The following SUGT1 variants were observed in gnomAD, a reference collection of about 807,000 sequenced individuals.
SUGT1 encodes protein SGT1 homolog.
A neutral mutation model predicts 56.1 loss-of-function variants in SUGT1; 15 were observed. That is an observed-to-expected ratio of 0.27 (90% confidence interval 0.18 to 0.41). The LOEUF (loss-of-function observed/expected upper bound fraction) is 0.41, where lower values mean the gene tolerates loss of function less well. Among genes scored for constraint, SUGT1 ranks in the 10% least tolerant of loss-of-function variants. SUGT1 has a pLI of 1.00. For missense variants in SUGT1, 347 were observed against 382.2 expected (o/e 0.91, Z 0.77); for synonymous variants, 123 against 128.6 (o/e 0.96, Z 0.30).
At chr13:52,672,877 G>A (rs1225309563) in intron 10 of SUGT1, among the ~76,000 whole-genome samples, 1 of 152,228 alleles carries the variant, frequency 6.6e-6, no homozygotes, top group Non-Finnish European at 1.5e-5. Flanking sequence ...GACTTCAGAA[G>A]TGGATGGTAG....
At chr13:52,660,448 G>A (rs9568747) in intron 5 of SUGT1, among the ~76,000 whole-genome samples, 121,981 of 152,144 alleles carry the variant, frequency 0.8, 49,675 homozygotes, top group East Asian at 0.99. Flanking sequence ...AGAAGTATAT[G>A]GTCCAAAATG....
At chr13:52,681,128 T>C (rs959964667) in intron 12 of SUGT1, among the ~76,000 whole-genome samples, 2 of 151,966 alleles carry the variant, frequency 1.3e-5, no homozygotes, top group Admixed American at 6.6e-5. Context: ...GTGAGGCACC[T>C]CAACCAGCCT....
chr13:52,679,399 A>G (rs1403813273), intron 11 of SUGT1, among the ~76,000 whole-genome samples: 1 of 152,184 alleles, frequency 6.6e-6, no homozygotes, highest in Non-Finnish European at 1.5e-5. Flanking sequence ...ACATTTAGAA[A>G]TTACTTACTG....
chr13:52,686,200 T>G (rs561101192), intron 12 of SUGT1, among the ~76,000 whole-genome samples: 1 of 152,170 alleles, frequency 6.6e-6, no homozygotes, highest in African/African-American at 2.4e-5. Flanking sequence ...AATGCTGGAA[T>G]TACAGGTGTG....
chr13:52,654,115 C>T (rs1348878358), intron 2 of SUGT1, among the ~76,000 whole-genome samples: 1 of 152,164 alleles, frequency 6.6e-6, no homozygotes, highest in Non-Finnish European at 1.5e-5. Context: ...TTAGAGGGCC[C>T]ATTTGATTAA....
At chr13:52,683,771 A>G (rs1331318947) in intron 12 of SUGT1, among the ~76,000 whole-genome samples, 1 of 152,206 alleles carries the variant, frequency 6.6e-6, no homozygotes, top group African/African-American at 2.4e-5. Context: ...AAAAGTTTTT[A>G]TAGGACTGTT....
At chr13:52,676,010 A>G (rs143908996) in intron 10 of SUGT1, among the ~76,000 whole-genome samples, 1 of 152,210 alleles carries the variant, frequency 6.6e-6, no homozygotes, top group Non-Finnish European at 1.5e-5. Context: ...CTTCTTGATT[A>G]TAGCTTATAT....
chr13:52,667,467 C>T (rs1370887683), intron 10 of SUGT1, among the ~76,000 whole-genome samples: 2 of 152,100 alleles, frequency 1.3e-5, no homozygotes, highest in Admixed American at 1.3e-4. Context: ...GCTTCAGCCT[C>T]CCAAGTAGCT....
At chr13:52,674,951 G>A (rs374077855) in intron 10 of SUGT1, among the ~76,000 whole-genome samples, 5 of 152,220 alleles carry the variant, frequency 3.3e-5, no homozygotes, top group African/African-American at 1.2e-4. Context: ...AGTAAAAGAT[G>A]CTATTAGGAT....
intron 9 of SUGT1, 35 bp downstream of exon 9, chr13:52,665,768 C>T (rs887531967): frequency 1.4e-6 from 2 of 1,434,892 alleles, no homozygotes; most frequent in Non-Finnish European, 1.9e-6. Context: ...ATGTTGATTA[C>T]TATTATTTGC....
rs1354954526 is a variant in SUGT1 at position 52,698,199 on chromosome 13, C to G, written c.*10364C>G. The G allele has an allele frequency of 2.6e-5, 4 of 152,120 alleles. No homozygotes were observed. The highest frequency in any genetic ancestry group is 9.7e-5 in the African/African-American group (4 of 41,428). 9.4% of individuals were successfully genotyped at this position (152,120 alleles called of 1,614,324 possible). ...ACAAGACTAGAGGTAGCTTTGGAAC[C>G]TCTTATTCCCTGGAATGCAAACATG... is the stretch of plus-strand genomic sequence containing the variant. On this transcript the variant is annotated 3_prime_UTR_variant, in exon 13 of 13. Transcript: ENST00000310528.
At chr13:52,672,808 C>G (rs530017181) in intron 10 of SUGT1, among the ~76,000 whole-genome samples, 21 of 152,282 alleles carry the variant, frequency 1.4e-4, no homozygotes, top group Admixed American at 7.2e-4. Flanking sequence ...GTAATGCCAT[C>G]TCTTTAAATC....
chr13:52,694,544 TTTTCA>T lies in SUGT1; in HGVS notation c.*6715_*6719del, dbSNP rs1963868709. The T allele has an allele frequency of 6.6e-6, 1 of 152,182 alleles. No individual in the cohort carries two copies. Among genetic ancestry groups the T allele is most frequent in the Admixed American group, 6.5e-5 (1 of 15,274 alleles). 9.4% of individuals were successfully genotyped at this position (152,182 alleles called of 1,614,324 possible). On this transcript the variant is annotated 3_prime_UTR_variant, in exon 13 of 13. Transcript: ENST00000310528. ...TAAGGAACTTTCGGAAGTTCTCTGGTTTTCATTTCAATTTCAAAGCTCAAAACAGA... is the reference window on the plus strand; with the variant it reads ...TAAGGAACTTTCGGAAGTTCTCTGGTTTTCAATTTCAAAGCTCAAAACAGA...
At position 52,658,327 on chromosome 13, in the gene SUGT1, C is replaced by G. The variant is rs563161736; in HGVS notation, c.188-72C>G. The stretch of plus-strand genomic sequence containing the variant: ...AACTTGAAAACTTAGAAATCTAAAA[C>G]TGATTCATATGTTGTGTGTATTTGC... On this transcript the variant is annotated intron_variant, in intron 3 of 12. Transcript: ENST00000310528. The G allele has an allele frequency of 1.2e-5, 19 of 1,588,766 alleles. No individual in the cohort carries two copies. The East Asian group carries it at 1.8e-4, about 15-fold the overall frequency.
rs74087401 is a variant in SUGT1 at position 52,658,386 on chromosome 13, T to C, written c.188-13T>C. 2.6e-3 allele frequency: 4,219 copies of C among 1,610,780 alleles called. 84 individuals are homozygous for C. In the African/African-American group the frequency reaches 0.048, roughly 18 times the overall value. On this transcript the variant is annotated splice_polypyrimidine_tract_variant and intron_variant, in intron 3 of 12. Coordinates refer to ENST00000310528, the MANE Select transcript of SUGT1 (RefSeq NM_006704.5). The stretch of plus-strand genomic sequence containing the variant: ...ATAAATAACTGACTAAAAACCCGTC[T>C]TTTTCTACACAGTTGCTGTTGCTGA...
intron 12 of SUGT1, among the ~76,000 whole-genome samples, chr13:52,682,972 C>A (rs931072163): frequency 6.6e-6 from 1 of 152,048 alleles, no homozygotes; most frequent in Non-Finnish European, 1.5e-5. Flanking sequence ...GGACTCAGTT[C>A]TAGGAGTATT....
Position 52,653,096 on chromosome 13 carries a change from C to T in SUGT1, c.89C>T (p.Ala30Val), listed in dbSNP as rs1454869420. ...DALIDEDPQA[A>V]LEELTKALEQ... ...CTAATCGACGAGGACCCCCAGGCGG[C>T]GTTAGAGGTGAGAGAGCCCATTTCT... Residue 30 changes from alanine to valine, a missense_variant, in exon 2 of 13, where the codon GCG (alanine) becomes GTG (valine). Physicochemically the swap from Ala to Val is moderately conservative, Grantham distance 64 (BLOSUM62 0). Transcript: ENST00000310528. The T allele has an allele frequency of 6.2e-7, 1 of 1,614,154 alleles. No individual in the cohort carries two copies. The highest frequency in any genetic ancestry group is 1.3e-5 in the African/African-American group (1 of 75,044).
At chr13:52,653,007 G>C (rs769557234) in intron 1 of SUGT1, 39 bp from the exon 2 acceptor site, 5 of 1,614,102 alleles carry the variant, frequency 3.1e-6, no homozygotes, top group Non-Finnish European at 4.2e-6. Flanking sequence ...CCCTTTCCTT[G>C]GCTAGTGAGC....
intron 9 of SUGT1, among the ~76,000 whole-genome samples, chr13:52,666,350 T>G (rs1022994647): frequency 6.6e-6 from 1 of 152,228 alleles, no homozygotes; most frequent in African/African-American, 2.4e-5. Flanking sequence ...GTGCTGGGAT[T>G]AGAGGCATGC....
Sources: gnomAD v4.1 joint callset for allele counts (sites outside exome capture counted in the v4.1 genomes callset) on GRCh38, gnomAD v4.1.1 for gene constraint, MANE v1.5 for transcripts, NCBI Gene and HGNC (gene_info 2026-07-23, HGNC 2026-07-21) for gene names.